The following NRG1 variants were observed in gnomAD, a reference collection of about 807,000 sequenced individuals.
NRG1 encodes pro-neuregulin-1, membrane-bound isoform.
NRG1 carries 18 observed loss-of-function variants against 63.8 expected under a neutral mutation model. The observed-to-expected ratio is 0.28, with a 90% confidence interval of 0.19 to 0.42. The LOEUF (loss-of-function observed/expected upper bound fraction) is 0.42, where lower values mean the gene tolerates loss of function less well. NRG1 is among the 10% of genes least tolerant of loss of function. The pLI, the probability that NRG1 is intolerant of heterozygous loss-of-function variation, is 1.00. For synonymous variants in NRG1, 302 were observed against 301.3 expected (o/e 1.00, Z -0.02); for missense variants, 762 against 814.7 (o/e 0.94, Z 0.79).
At chr8:32,351,615 T>A (rs533898107) in intron 1 of NRG1, among the ~76,000 whole-genome samples, 6 of 152,148 alleles carry the variant, frequency 3.9e-5, no homozygotes, top group Non-Finnish European at 8.8e-5. Context: ...CCTTCCAGCG[T>A]CCATCCCATC....
chr8:32,615,721 G>A (rs1847233207), intron 4 of NRG1, among the ~76,000 whole-genome samples: 1 of 151,714 alleles, frequency 6.6e-6, no homozygotes, highest in South Asian at 2.1e-4. Context: ...AAACATCTCT[G>A]TATCCTAGAC....
intron 1 of NRG1, among the ~76,000 whole-genome samples, chr8:31,706,533 C>A (rs1426655527): frequency 6.6e-6 from 1 of 152,048 alleles, no homozygotes; most frequent in Non-Finnish European, 1.5e-5. Context: ...ATTATATATG[C>A]ATAATTTTAT....
rs568331386 is a variant in NRG1 at position 32,702,247 on chromosome 8, A to G, written c.503-25702A>G. ...CACATCTAAAAAATGACTCTAGGAC[A>G]TCACTCTCATGTATTTCCGTGAAAA... On this transcript the variant is annotated intron_variant, in intron 5 of 11. Coordinates refer to ENST00000356819, the Ensembl canonical transcript of NRG1. Among the ~76,000 whole-genome samples the G allele has an allele frequency of 5.1e-4, 77 of 152,334 alleles. 1 individual carries two copies. The highest frequency in any genetic ancestry group is 1.8e-3 in the African/African-American group (73 of 41,580).
intron 1 of NRG1, among the ~76,000 whole-genome samples, chr8:32,553,109 T>C (rs1207814479): frequency 1.3e-5 from 2 of 152,218 alleles, no homozygotes; most frequent in African/African-American, 4.8e-5. Context: ...CTAATTAGGC[T>C]GTTCCTTAAA....
chr8:32,344,407 A>C (rs1380354131), intron 1 of NRG1, among the ~76,000 whole-genome samples: 1 of 21,334 alleles, frequency 4.7e-5, no homozygotes. Context: ...TTGTGCATGC[A>C]TGCGTGCATG....
chr8:32,467,195 C>A (rs1206748148), intron 1 of NRG1, among the ~76,000 whole-genome samples: 2 of 152,096 alleles, frequency 1.3e-5, no homozygotes, highest in Non-Finnish European at 2.9e-5. Flanking sequence ...TAGTTACATG[C>A]CCATGGCAAG....
chr8:31,830,350 CTT>C (rs1389274434), intron 1 of NRG1, among the ~76,000 whole-genome samples: 138 of 105,724 alleles, frequency 1.3e-3, no homozygotes, highest in African/African-American at 5.0e-3. Context: ...TCCTTCCTTC[CTT>C]CCTTCCTTCC....
intron 1 of NRG1, among the ~76,000 whole-genome samples, chr8:32,152,579 A>G (rs1436464346): frequency 6.6e-6 from 1 of 152,210 alleles, no homozygotes; most frequent in Non-Finnish European, 1.5e-5. Flanking sequence ...TAATTCACAC[A>G]TCAATATATA....
At chr8:31,876,994 C>T (rs1365150902) in intron 1 of NRG1, among the ~76,000 whole-genome samples, 1 of 152,052 alleles carries the variant, frequency 6.6e-6, no homozygotes, top group African/African-American at 2.4e-5. Context: ...TGGGGAATGG[C>T]AAGAGCAAAG....
At chr8:31,879,107 C>T (rs575754363) in intron 1 of NRG1, among the ~76,000 whole-genome samples, 88 of 152,068 alleles carry the variant, frequency 5.8e-4, no homozygotes, top group Non-Finnish European at 8.8e-4. Flanking sequence ...TCAAGGGGCA[C>T]GCATTACACA....
intron 1 of NRG1, among the ~76,000 whole-genome samples, chr8:32,137,851 C>A (rs1377147963): frequency 6.6e-6 from 1 of 152,068 alleles, no homozygotes; most frequent in African/African-American, 2.4e-5. Context: ...CTGGGTGAAT[C>A]CTCTCTCACT....
intron 1 of NRG1, among the ~76,000 whole-genome samples, chr8:31,667,897 G>T (rs1052005564): frequency 6.6e-6 from 1 of 152,080 alleles, no homozygotes; most frequent in Non-Finnish European, 1.5e-5. Flanking sequence ...CTATTTTCTC[G>T]CTGGAGACAG....
chr8:32,497,791 A>G (rs1428669865), intron 1 of NRG1, among the ~76,000 whole-genome samples: 11 of 152,206 alleles, frequency 7.2e-5, no homozygotes, highest in Admixed American at 7.2e-4. Flanking sequence ...TGAAAGATTA[A>G]TAAGAGGCAC....
At chr8:32,513,625 G>A (rs970284165) in intron 1 of NRG1, among the ~76,000 whole-genome samples, 4 of 152,110 alleles carry the variant, frequency 2.6e-5, no homozygotes, top group Non-Finnish European at 5.9e-5. Flanking sequence ...TTTGGTCAAT[G>A]AATATGCAAA....
intron 5 of NRG1, among the ~76,000 whole-genome samples, chr8:32,715,766 G>A (rs1233195748): frequency 2.0e-5 from 3 of 151,866 alleles, no homozygotes; most frequent in Non-Finnish European, 4.4e-5. Flanking sequence ...AGCCTCCTGA[G>A]TAGCTGAGTA....
chr8:31,682,256 G>T (rs549820808), intron 1 of NRG1, among the ~76,000 whole-genome samples: 15 of 152,048 alleles, frequency 9.9e-5, no homozygotes, highest in Admixed American at 2.0e-4. Flanking sequence ...TGCAATTAAG[G>T]TTCCCACCAG....
chr8:32,617,254 T>C (rs1020563875), intron 5 of NRG1, among the ~76,000 whole-genome samples: 1 of 152,236 alleles, frequency 6.6e-6, no homozygotes, highest in African/African-American at 2.4e-5. Context: ...GCCTGAGGCA[T>C]GATACCCAGC....
intron 1 of NRG1, among the ~76,000 whole-genome samples, chr8:32,249,228 T>C (rs1020899774): frequency 6.6e-6 from 1 of 152,202 alleles, no homozygotes; most frequent in Admixed American, 6.6e-5. Flanking sequence ...GCAACTTCCA[T>C]AGTAGCTGAA....
At chr8:32,727,339 A>G (rs16879886) in intron 5 of NRG1, among the ~76,000 whole-genome samples, 22,006 of 152,166 alleles carry the variant, frequency 0.14, 1,865 homozygotes, top group East Asian at 0.36. Flanking sequence ...ACATTCAACC[A>G]TGTTCCTCTA....
Sources: allele counts gnomAD v4.1 joint callset (sites outside exome capture counted in the v4.1 genomes callset), GRCh38; gene constraint gnomAD v4.1.1; transcripts MANE v1.5; gene names NCBI Gene and HGNC (gene_info 2026-07-23, HGNC 2026-07-21).